The following URI1 variants were observed in gnomAD, a reference collection of about 807,000 sequenced individuals.
URI1 encodes the protein URI1 prefoldin like chaperone, also known as unconventional prefoldin RPB5 interactor 1.
URI1 carries 39 observed loss-of-function variants against 60.2 expected under a neutral mutation model. That is an observed-to-expected ratio of 0.65 (90% CI 0.50 to 0.85). URI1 has a LOEUF of 0.85. URI1 is among the 40% of genes least tolerant of loss of function. URI1 has a pLI of 0.00. For missense variants in URI1, 691 were observed against 665.9 expected, an observed-to-expected ratio of 1.04 and a Z score of -0.42; for synonymous variants, 251 against 236.8, an observed-to-expected ratio of 1.06 and a Z score of -0.55.
At chr19:29,974,631 T>C (rs2055498519) in intron 2 of URI1, among the ~76,000 whole-genome samples, 1 of 152,076 alleles carries the variant, frequency 6.6e-6, no homozygotes, top group African/African-American at 2.4e-5. Flanking sequence ...CATGTAGAGG[T>C]TTGTTGCAAA....
intron 1 of URI1, among the ~76,000 whole-genome samples, chr19:29,948,906 A>C (rs1211629807): frequency 5.3e-5 from 8 of 151,992 alleles, no homozygotes; most frequent in Non-Finnish European, 1.0e-4. Context: ...CACTTCCCAG[A>C]AGGGGCGGCC....
At chr19:29,986,751 A>G (rs1242798517) in intron 4 of URI1, among the ~76,000 whole-genome samples, 1 of 152,198 alleles carries the variant, frequency 6.6e-6, no homozygotes, top group Non-Finnish European at 1.5e-5. Context: ...TTGCTATTAT[A>G]GACTTATTTT....
At chr19:29,945,985 C>T (rs1024724776) in intron 1 of URI1, among the ~76,000 whole-genome samples, 1 of 151,974 alleles carries the variant, frequency 6.6e-6, no homozygotes, top group African/African-American at 2.4e-5. Context: ...GTTTGAATGC[C>T]GGTTAGGCAG....
intron 1 of URI1, among the ~76,000 whole-genome samples, chr19:29,935,368 C>A (rs1302436812): frequency 6.6e-6 from 1 of 152,120 alleles, no homozygotes; most frequent in African/African-American, 2.4e-5. Context: ...TGCCCATTAA[C>A]ATAGATTTAT....
rs3840928 is a variant in URI1 at position 30,009,211 on chromosome 19, GTGATGA to G, written c.915_920del (p.Asp310_Asp311del). On this transcript the variant is annotated inframe_deletion, in exon 8 of 11. Transcript: ENST00000392271. Reference sequence around the variant, plus strand: ...GTGAATGGTTCCAGTTCTTACCACAGTGATGATGATGATGATGATGATGATGACGAC... The same window carrying G: ...GTGAATGGTTCCAGTTCTTACCACAGTGATGATGATGATGATGATGACGAC... The G allele has an allele frequency of 3.0e-3, 4,272 of 1,445,066 alleles. 9 individuals carry two copies. The highest frequency in any genetic ancestry group is 3.3e-3 in the Non-Finnish European group (3,459 of 1,052,096). 89.5% of individuals were successfully genotyped at this position (1,445,066 alleles called of 1,614,324 possible). A position where few individuals can be genotyped will look rare whatever the true frequency, so the allele number is the denominator to read the frequency against.
intron 2 of URI1, among the ~76,000 whole-genome samples, chr19:29,972,065 A>G (rs192945497): frequency 5.9e-5 from 9 of 152,218 alleles, no homozygotes; most frequent in Non-Finnish European, 1.0e-4. Context: ...TTCATGCCTG[A>G]GAGATCTCCA....
intron 1 of URI1, among the ~76,000 whole-genome samples, chr19:29,958,845 A>C (rs1478634502): frequency 1.3e-5 from 2 of 151,918 alleles, no homozygotes; most frequent in Non-Finnish European, 2.9e-5. Flanking sequence ...CTGTAATCCC[A>C]GCTACTCGGA....
chr19:29,930,239 G>A (rs573384270), intron 1 of URI1, among the ~76,000 whole-genome samples: 10 of 152,076 alleles, frequency 6.6e-5, no homozygotes, highest in Admixed American at 5.9e-4. Context: ...GAGCCCGGTT[G>A]ATAGTGTCCT....
intron 4 of URI1, among the ~76,000 whole-genome samples, chr19:30,001,872 AG>A (rs1267955157): frequency 5.3e-5 from 8 of 152,092 alleles, no homozygotes; most frequent in African/African-American, 1.9e-4. Flanking sequence ...CCTAAGGTAT[AG>A]GGGAAAGGCA....
Position 30,009,312 on chromosome 19 carries a change from A to G in URI1, c.994A>G (p.Ile332Val), listed in dbSNP as rs201534752. The G allele has an allele frequency of 8.1e-6, 13 of 1,614,076 alleles. No homozygotes were observed. The East Asian group carries it at 1.1e-4, about 14-fold the overall frequency. The change falls in exon 8 of 11, where the codon ATA (isoleucine) becomes GTA (valine). Residue 332 changes from isoleucine (I) to valine (V), a missense_variant. Transcript: ENST00000392271. ...HEALGVGDNS[I>V]PTIYFSHTVE... Reference sequence around the variant, plus strand: ...GGCTTTAGGGGTTGGAGATAATTCTATACCAACAATATATTTTTCACATAC... The same window carrying G: ...GGCTTTAGGGGTTGGAGATAATTCTGTACCAACAATATATTTTTCACATAC...
chr19:29,947,474 G>A lies in URI1; in HGVS notation c.117+4810G>A, dbSNP rs1032222529. ...TCTAAGGTGGTTATACCAGTTTACC[G>A]CTTGCTAGCAGTGGACAGAAGTTCT... On this transcript the variant is annotated intron_variant, in intron 1 of 10. Transcript: ENST00000392271. Among the ~76,000 whole-genome samples the A allele has an allele frequency of 2.0e-5, 3 of 152,150 alleles. No individual in the cohort carries two copies. In the South Asian group the frequency reaches 6.2e-4, roughly 32 times the overall value.
intron 3 of URI1, among the ~76,000 whole-genome samples, chr19:29,985,882 A>C (rs557780431): frequency 6.6e-6 from 1 of 152,096 alleles, no homozygotes; most frequent in South Asian, 2.1e-4. Context: ...CTGCTTTGCA[A>C]AAGTGTCTAC....
intron 7 of URI1, 26 bp downstream of exon 7, chr19:30,007,664 A>T: frequency 6.5e-7 from 1 of 1,549,204 alleles, no homozygotes; most frequent in Non-Finnish European, 8.7e-7. Context: ...TTATCTTTCC[A>T]AGATAATTTG....
chr19:29,933,599 T>C (rs900895572), intron 1 of URI1, among the ~76,000 whole-genome samples: 2 of 152,080 alleles, frequency 1.3e-5, no homozygotes, highest in African/African-American at 4.8e-5. Flanking sequence ...GGTGGGTGGA[T>C]TGCCTGAGCC....
chr19:30,006,700 T>C (rs1488949262), intron 6 of URI1, among the ~76,000 whole-genome samples: 1 of 152,134 alleles, frequency 6.6e-6, no homozygotes, highest in Admixed American at 6.5e-5. Flanking sequence ...CATCTGGTAG[T>C]GCCATATCTC....
intron 4 of URI1, among the ~76,000 whole-genome samples, chr19:29,991,770 T>C (rs1299652061): frequency 1.1e-4 from 16 of 152,202 alleles, no homozygotes; most frequent in Admixed American, 3.3e-4. Flanking sequence ...CCTATAAGTT[T>C]AGGGAACTTT....
intron 1 of URI1, among the ~76,000 whole-genome samples, chr19:29,945,861 A>ATT (rs751576072): frequency 1.3e-5 from 2 of 148,670 alleles, no homozygotes; most frequent in African/African-American, 4.9e-5. Flanking sequence ...ATTGGATGGG[A>ATT]TTTTTTTTTT....
At chr19:29,962,966 T>A (rs2055345481) in intron 1 of URI1, among the ~76,000 whole-genome samples, 2 of 152,218 alleles carry the variant, frequency 1.3e-5, no homozygotes, top group Non-Finnish European at 2.9e-5. Flanking sequence ...AAGTTAGCTC[T>A]AGCTCTAAGT....
Position 30,015,363 on chromosome 19 carries a change from T to A in URI1, c.*294T>A. On this transcript the variant is annotated 3_prime_UTR_variant, in exon 11 of 11. Transcript: ENST00000392271. ...TACTTTTCAAAGAATACTGTTCATATGCATTGTTTTTGTGTTTCAAACTAA... is the reference window on the plus strand; with the variant it reads ...TACTTTTCAAAGAATACTGTTCATAAGCATTGTTTTTGTGTTTCAAACTAA... 7.0e-7 allele frequency: 1 copy of A among 1,432,754 alleles called. No individual in the cohort carries two copies. The highest frequency in any genetic ancestry group is 9.1e-7 in the Non-Finnish European group (1 of 1,101,778). The allele number at this position is 1,432,754 out of a possible 1,614,324, so 88.8% of individuals were successfully genotyped here. A position where few individuals can be genotyped will look rare whatever the true frequency, so the allele number is the denominator to read the frequency against.
Sources: allele counts gnomAD v4.1 joint callset (sites outside exome capture counted in the v4.1 genomes callset), GRCh38; gene constraint gnomAD v4.1.1; transcripts MANE v1.5; gene names NCBI Gene and HGNC (gene_info 2026-07-23, HGNC 2026-07-21).